The following PPP6R2 variants were observed in gnomAD, a reference collection of about 807,000 sequenced individuals.
The protein encoded by PPP6R2 is serine/threonine-protein phosphatase 6 regulatory subunit 2.
PPP6R2 carries 62 observed loss-of-function variants against 100.2 expected under a neutral mutation model. That is an observed-to-expected ratio of 0.62 (90% CI 0.50 to 0.76). The LOEUF (loss-of-function observed/expected upper bound fraction) is 0.76. Among genes scored for constraint, PPP6R2 ranks in the 30% least tolerant of loss-of-function variants. The probability of loss-of-function intolerance (pLI) is 0.00; values close to 1 mark genes in which losing one functional copy is unlikely to be tolerated. For synonymous variants in PPP6R2, 525 were observed against 514.7 expected, an observed-to-expected ratio of 1.02 and a Z score of -0.27; for missense variants, 1,142 against 1,276.3, an observed-to-expected ratio of 0.89 and a Z score of 1.60.
chr22:50,395,132 G>C (rs1248198402), intron 3 of PPP6R2, among the ~76,000 whole-genome samples: 1 of 152,172 alleles, frequency 6.6e-6, no homozygotes, highest in African/African-American at 2.4e-5. Flanking sequence ...AGGCAGGAGA[G>C]ATATGCAGTA....
At chr22:50,420,572 C>T (rs2147747313) in intron 8 of PPP6R2, among the ~76,000 whole-genome samples, 1 of 152,308 alleles carries the variant, frequency 6.6e-6, no homozygotes, top group South Asian at 2.1e-4. Flanking sequence ...CATAGTGTGG[C>T]CTAGTCCTTC....
At chr22:50,393,265 G>A in intron 2 of PPP6R2, 1 of 405,004 alleles carries the variant, frequency 2.5e-6, no homozygotes, top group Non-Finnish European at 3.3e-6. Flanking sequence ...CCCTGGGTGT[G>A]ATTCAGCAAG....
At chr22:50,434,854 G>C (rs1569487114) in intron 12 of PPP6R2, 112 bp from the exon 13 acceptor site, 1 of 915,510 alleles carries the variant, frequency 1.1e-6, no homozygotes, top group Non-Finnish European at 1.6e-6. Flanking sequence ...GCAGGGGCCG[G>C]GCACTTGCTC....
intron 1 of PPP6R2, among the ~76,000 whole-genome samples, chr22:50,354,282 G>A (rs1490386702): frequency 6.6e-6 from 1 of 151,824 alleles, no homozygotes; most frequent in Non-Finnish European, 1.5e-5. Context: ...TCCAGCCTGG[G>A]CGACGGAGCG....
Position 50,437,075 on chromosome 22 carries a change from G to C in PPP6R2, c.1683+7G>C, listed in dbSNP as rs1201649595. The C allele has an allele frequency of 6.4e-7, 1 of 1,555,720 alleles. No homozygotes were observed. The highest frequency in any genetic ancestry group is 1.9e-5 in the Admixed American group (1 of 51,890). Reference sequence around the variant, plus strand: ...CGAGCTGTCCCTTCAGCAGGTGAGGGCGTGGCCGGCACCTGCACCCTGCCG... The same window carrying C: ...CGAGCTGTCCCTTCAGCAGGTGAGGCCGTGGCCGGCACCTGCACCCTGCCG... On this transcript the variant is annotated splice_region_variant and intron_variant, in intron 15 of 23. Coordinates refer to ENST00000612753, the MANE Select transcript of PPP6R2 (RefSeq NM_001242898.2).
intron 2 of PPP6R2, among the ~76,000 whole-genome samples, chr22:50,381,919 AAAG>A (rs902790071): frequency 2.0e-5 from 3 of 151,908 alleles, no homozygotes; most frequent in South Asian, 2.1e-4. Context: ...AAAAAAAAAA[AAAG>A]AAAAAAAAGG....
intron 1 of PPP6R2, among the ~76,000 whole-genome samples, chr22:50,347,382 C>T (rs867019170): frequency 3.3e-5 from 5 of 151,978 alleles, no homozygotes; most frequent in Non-Finnish European, 5.9e-5. Flanking sequence ...TAACCCTTTC[C>T]AACACTACTC....
chr22:50,444,171 C>G, intron 23 of PPP6R2, 28 bp from the exon 24 acceptor site: 1 of 1,612,206 alleles, frequency 6.2e-7, no homozygotes, highest in Non-Finnish European at 8.5e-7. Flanking sequence ...GCAGCCCGCA[C>G]GGTTCCAACC....
chr22:50,357,161 C>T (rs906443713), intron 1 of PPP6R2, among the ~76,000 whole-genome samples: 2 of 152,010 alleles, frequency 1.3e-5, no homozygotes, highest in East Asian at 1.9e-4. Context: ...ACGGGCCATT[C>T]GTGTATTTTT....
chr22:50,361,145 G>A (rs2047711723), intron 1 of PPP6R2, among the ~76,000 whole-genome samples: 1 of 152,162 alleles, frequency 6.6e-6, no homozygotes, highest in South Asian at 2.1e-4. Context: ...TCCTGGACTA[G>A]TTCGGTCCTG....
the PPP6R2 span, among the ~76,000 whole-genome samples, chr22:50,334,557 C>T: frequency 6.6e-6 from 1 of 152,150 alleles, no homozygotes. Context: ...ACTGGAACAG[C>T]TTGTTTCTTT....
At chr22:50,382,408 C>T (rs980883060) in intron 2 of PPP6R2, among the ~76,000 whole-genome samples, 5 of 151,424 alleles carry the variant, frequency 3.3e-5, no homozygotes, top group Non-Finnish European at 7.4e-5. Context: ...ACCAGCCTGA[C>T]TAACATGGTG....
chr22:50,423,635 G>T lies in PPP6R2; in HGVS notation c.1125+21G>T. On this transcript the variant is annotated intron_variant, in intron 10 of 23. Transcript: ENST00000612753. This position sits in a 1 kb window ranked among gnomAD's most constrained non-coding sequence, Gnocchi z 4.8. Reference sequence around the variant, plus strand: ...TGCTGGTAAGTGGGCCCCTCAGCCAGCCCTGCATGTCTGTGAGTGTGCCGG... The same window carrying T: ...TGCTGGTAAGTGGGCCCCTCAGCCATCCCTGCATGTCTGTGAGTGTGCCGG... 1.2e-6 allele frequency: 2 copies of T among 1,613,702 alleles called. No homozygotes were observed. The highest frequency in any genetic ancestry group is 1.7e-6 in the Non-Finnish European group (2 of 1,179,872).
rs143922232 is a variant in PPP6R2 at position 50,395,721 on chromosome 22, C to T, written c.227+1586C>T. On this transcript the variant is annotated intron_variant, in intron 3 of 23. Coordinates refer to ENST00000612753, the MANE Select transcript of PPP6R2 (RefSeq NM_001242898.2). ...CACTACAGGTGCGTGCCACCATGCC[C>T]GGCTAATTTATTTTTGTATTTTTTT... Among the ~76,000 whole-genome samples, 573 of 152,054 alleles carry T rather than the reference C, an allele frequency of 3.8e-3. 15 individuals carry two copies. The highest frequency in any genetic ancestry group is 2.8e-3 in the African/African-American group (115 of 41,500).
intron 5 of PPP6R2, 64 bp downstream of exon 5, chr22:50,414,753 G>C: frequency 6.4e-7 from 1 of 1,562,918 alleles, no homozygotes; most frequent in South Asian, 1.2e-5. Flanking sequence ...AGCTGGTTAA[G>C]TGCAGGAGCT....
At chr22:50,417,725 C>T (rs967654731) in intron 6 of PPP6R2, among the ~76,000 whole-genome samples, 2 of 152,194 alleles carry the variant, frequency 1.3e-5, no homozygotes. Flanking sequence ...CTGTAGGAAG[C>T]AAGGAGGCCG....
chr22:50,432,160 C>A, intron 11 of PPP6R2, 105 bp from the exon 12 acceptor site: 1 of 1,064,254 alleles, frequency 9.4e-7, no homozygotes, highest in Non-Finnish European at 1.4e-6. Flanking sequence ...GCAAAGTCCA[C>A]ACAGACGTGG....
chr22:50,444,276 C>T lies in PPP6R2; in HGVS notation c.*29C>T, dbSNP rs745926120. On this transcript the variant is annotated 3_prime_UTR_variant, in exon 24 of 24. Coordinates refer to ENST00000612753, the MANE Select transcript of PPP6R2 (RefSeq NM_001242898.2). ...TGCTGCCGCCCGGCCACGGCCCACCCTGGTCAGGCTGCCTCCTTAATCGAG... is the reference window on the plus strand; with the variant it reads ...TGCTGCCGCCCGGCCACGGCCCACCTTGGTCAGGCTGCCTCCTTAATCGAG... The T allele has an allele frequency of 6.2e-7, 1 of 1,607,706 alleles. No individual in the cohort carries two copies. Among genetic ancestry groups the T allele is most frequent in the Admixed American group, 1.7e-5 (1 of 58,440 alleles).
intron 1 of PPP6R2, among the ~76,000 whole-genome samples, chr22:50,370,823 G>A (rs992503129): frequency 2.0e-5 from 3 of 151,142 alleles, no homozygotes; most frequent in East Asian, 1.9e-4. Flanking sequence ...TAGTAGAGAC[G>A]GGGTTTCACC....
Sources: allele counts gnomAD v4.1 joint callset (sites outside exome capture counted in the v4.1 genomes callset), GRCh38; gene constraint gnomAD v4.1.1; non-coding constraint Gnocchi (gnomAD v3.1); transcripts MANE v1.5; gene names NCBI Gene and HGNC (gene_info 2026-07-23, HGNC 2026-07-21).